Variants in RALGDS observed in about 807,000 individuals in gnomAD.
The protein encoded by RALGDS is ral guanine nucleotide dissociation stimulator.
RALGDS carries 44 observed loss-of-function variants against 99.8 expected under a neutral mutation model. That is an observed-to-expected ratio of 0.44 (90% confidence interval 0.35 to 0.57). The LOEUF (loss-of-function observed/expected upper bound fraction) is 0.57, where lower values mean the gene tolerates loss of function less well. RALGDS is among the 20% of genes least tolerant of loss of function. RALGDS has a pLI of 0.01. For missense variants in RALGDS, 1,022 were observed against 1,203.1 expected (o/e 0.85, Z 2.23); for synonymous variants, 529 against 505.0 (o/e 1.05, Z -0.64).
At chr9:133,130,096 T>C (rs1832288806) in intron 1 of RALGDS, among the ~76,000 whole-genome samples, 1 of 152,068 alleles carries the variant, frequency 6.6e-6, no homozygotes, top group Admixed American at 6.5e-5. Flanking sequence ...CTCAGCCTCC[T>C]GGGTAGCTGG....
At chr9:133,125,136 CTG>C (rs567094363), upstream of RALGDS, among the ~76,000 whole-genome samples, 6 of 152,318 alleles carry the variant, frequency 3.9e-5, 1 homozygote, top group South Asian at 1.2e-3. Context: ...AGCAAGACAA[CTG>C]TTTAAAAAAA....
intron 1 of RALGDS, among the ~76,000 whole-genome samples, chr9:133,129,757 C>T (rs1344134180): frequency 6.6e-6 from 1 of 152,034 alleles, no homozygotes; most frequent in Non-Finnish European, 1.5e-5. Context: ...TTCCCTGCCC[C>T]CTAGACCTGA....
chr9:133,136,582 T>C (rs1287372272), intron 1 of RALGDS, among the ~76,000 whole-genome samples: 1 of 152,018 alleles, frequency 6.6e-6, no homozygotes, highest in Admixed American at 6.5e-5. Flanking sequence ...AAGACCAGCC[T>C]GGCTAACATG....
At chr9:133,102,730 C>T (rs1363415126) in intron 13 of RALGDS, 49 bp downstream of exon 13, 2 of 1,603,454 alleles carry the variant, frequency 1.2e-6, no homozygotes, top group African/African-American at 1.3e-5. Context: ...GGAGCTGGCC[C>T]CCTAGGACAG....
chr9:133,120,891 G>A, intron 1 of RALGDS, 81 bp downstream of exon 1: 25 of 1,355,140 alleles, frequency 1.8e-5, no homozygotes, highest in Non-Finnish European at 2.4e-5. Flanking sequence ...CCCCGTCCGG[G>A]GCTCGCCCCG....
intron 17 of RALGDS, 182 bp downstream of exon 17, chr9:133,100,086 G>C: frequency 1.4e-6 from 1 of 696,256 alleles, no homozygotes; most frequent in Non-Finnish European, 2.6e-6. Flanking sequence ...GGCACACACT[G>C]GGGAGGTCCA....
At chr9:133,101,843 GA>G (rs781344268) in intron 15 of RALGDS, 81 bp from the exon 16 acceptor site, 1 of 1,552,610 alleles carries the variant, frequency 6.4e-7, no homozygotes, top group Non-Finnish European at 8.7e-7. Context: ...GAACCTTCTA[GA>G]AGCTGTGTTC....
In RALGDS at chr9:133,126,286, C is replaced by T. The variant is rs375455505; in HGVS notation, c.132+4666G>A. On this transcript the variant is annotated intron_variant, in intron 1 of 17. Coordinates refer to the RALGDS transcript ENST00000372062. ...TACAACCACAAGCCCCTGGAGAGCA[C>T]GGCTGCACAGACCTTTCGGAAGTCG... 1.8e-4 allele frequency among the ~76,000 whole-genome samples: 27 copies of T among 152,126 alleles called. No homozygotes were observed. The East Asian group carries it at 4.8e-3, about 27-fold the overall frequency.
rs1832598408 is a variant in RALGDS at position 133,144,875 on chromosome 9, A to T, written c.18+4088T>A. ...TAGGGTCTGTGCGGATAGAATCCGG[A>T]TGAGGTCATACTGGATTAGGGTGGG... On this transcript the variant is annotated intron_variant, in intron 1 of 17. Transcript: ENST00000393160. This position sits in a 1 kb window ranked among gnomAD's most constrained non-coding sequence, Gnocchi z 4.5. Among the ~76,000 whole-genome samples the T allele has an allele frequency of 6.6e-6, 1 of 152,248 alleles. No individual in the cohort carries two copies. Among genetic ancestry groups the T allele is most frequent in the African/African-American group, 2.4e-5 (1 of 41,464 alleles).
At chr9:133,148,677 C>T (rs1832666217) in intron 1 of RALGDS, among the ~76,000 whole-genome samples, 1 of 152,204 alleles carries the variant, frequency 6.6e-6, no homozygotes, top group African/African-American at 2.4e-5. Context: ...GCTGTCATTC[C>T]CAAAGCAAAC....
chr9:133,108,416 G>A lies in RALGDS; in HGVS notation c.779-10C>T, dbSNP rs980521071. On this transcript the variant is annotated splice_polypyrimidine_tract_variant and intron_variant, in intron 5 of 17. Transcript: ENST00000372050. ...GGCACTGGTGACAGAGCTGCAAGAG[G>A]AGAAAAGTTCAACAACATGCCAGCC... The A allele has an allele frequency of 5.9e-6, 9 of 1,535,210 alleles. No individual in the cohort carries two copies. The African/African-American group carries it at 1.1e-4, about 19-fold the overall frequency.
In RALGDS at chr9:133,137,001, G is replaced by A. The variant is rs182167011; in HGVS notation, c.18+11962C>T. ...TGTAATCCCAGCACTTTGGGAGGCC[G>A]AGGCGGGCGGATCACTTGAGCTCAG... On this transcript the variant is annotated intron_variant, in intron 1 of 17. Transcript: ENST00000393160. Among the ~76,000 whole-genome samples, 709 of 152,080 alleles carry A rather than the reference G, an allele frequency of 4.7e-3. 4 individuals are homozygous for A. The highest frequency in any genetic ancestry group is 0.016 in the African/African-American group (675 of 41,486).
In RALGDS at chr9:133,106,713, A is replaced by C. The variant is rs2119149227; in HGVS notation, c.1449T>G (p.Tyr483Ter). 6.2e-7 allele frequency: 1 copy of C among 1,612,884 alleles called. No individual in the cohort carries two copies. The highest frequency in any genetic ancestry group is 8.5e-7 in the Non-Finnish European group (1 of 1,179,516). ...TGCTCTGCAGGGCAGAGAGGATGGCATACAGTGACGAGAAGTTCTTGAGGA... is the reference window on the plus strand; with the variant it reads ...TGCTCTGCAGGGCAGAGAGGATGGCCTACAGTGACGAGAAGTTCTTGAGGA... ...CRILKNFSSL[Y>*]AILSALQSNS... is the part of the protein sequence containing the mutation. The change falls in exon 8 of 18, where the codon TAT becomes TAG. Residue 483 changes from tyrosine to a stop codon, truncating the protein, a stop_gained. Transcript: ENST00000372050. LOFTEE classifies it high-confidence loss of function.
intron 1 of RALGDS, among the ~76,000 whole-genome samples, chr9:133,128,889 AC>A (rs888765745): frequency 3.9e-5 from 6 of 152,142 alleles, no homozygotes; most frequent in African/African-American, 1.4e-4. Flanking sequence ...CCCTGGACTG[AC>A]CCGTGGGGCT....
chr9:133,113,206 G>A (rs964086222), intron 1 of RALGDS, among the ~76,000 whole-genome samples: 1 of 152,160 alleles, frequency 6.6e-6, no homozygotes, highest in Admixed American at 6.5e-5. Flanking sequence ...CTGGCCCAGG[G>A]TCATTAACCG....
rs759840435 is a variant in RALGDS at position 133,108,229 on chromosome 9, G to A, written c.956C>T (p.Pro319Leu). The A allele has an allele frequency of 3.1e-6, 5 of 1,610,284 alleles. No individual in the cohort carries two copies. Among genetic ancestry groups the A allele is most frequent in the Admixed American group, 3.4e-5 (2 of 59,312 alleles). The change falls in exon 6 of 18, where the codon CCA becomes CTA. Residue 319 changes from proline (P) to leucine (L), a missense_variant. Pro to Leu is a moderately conservative substitution (Grantham distance 98, BLOSUM62 -3). This residue lies in a region of RALGDS where 825 missense variants were observed against 994.5 expected (regional missense o/e 0.83). Coordinates refer to ENST00000372050, the MANE Select transcript of RALGDS (RefSeq NM_006266.4). ...CGATTCTAGTCCCACAGCTGGCTCT[G>A]GAGCCTGCTGGAGCTCCGGAGCTGG... is the stretch of plus-strand genomic sequence containing the variant. ...PAPAPELQQA[P>L]EPAVGLESAP...
At position 133,121,229 on chromosome 9, in the gene RALGDS, T is replaced by A. The variant is rs1477548377; in HGVS notation, c.-75A>T. On this transcript the variant is annotated 5_prime_UTR_variant, in exon 1 of 18. In the 5' UTR this introduces an upstream ATG that the reference lacks. Transcript: ENST00000372050. ...GGCGGCGCGGCCCGCGCGGCTGGGC[T>A]TTGCCACCGCTGTGAGCCCGCGGCC... The A allele has an allele frequency of 1.0e-6, 1 of 978,296 alleles. No homozygotes were observed. The highest frequency in any genetic ancestry group is 1.8e-5 in the African/African-American group (1 of 56,286). 60.6% of individuals were successfully genotyped at this position (978,296 alleles called of 1,614,324 possible).
Position 133,108,406 on chromosome 9 carries a change from G to C in RALGDS, c.779C>G (p.Ala260Gly). The C allele has an allele frequency of 6.5e-7, 1 of 1,535,940 alleles. No individual in the cohort carries two copies. Among genetic ancestry groups the C allele is most frequent in the Non-Finnish European group, 8.7e-7 (1 of 1,146,482 alleles). The stretch of plus-strand genomic sequence containing the variant: ...TTTTAGAGCTGGCACTGGTGACAGA[G>C]CTGCAAGAGGAGAAAAGTTCAACAA... ...HSEPIEAEPEALSPVPALKPT... is the reference protein window; with the variant it reads ...HSEPIEAEPEGLSPVPALKPT... The change falls in exon 6 of 18, where the codon GCT (alanine) becomes GGT (glycine). Residue 260 changes from alanine (A) to glycine (G), a missense_variant and splice_region_variant. By Grantham distance (60) the Ala-to-Gly change is moderately conservative. Around this residue, in one of 3 missense-constraint regions of RALGDS, gnomAD observed 825 missense variants for 994.5 expected, o/e 0.83. Transcript: ENST00000372050.
rs767544998 is a variant in RALGDS, at chr9:133,101,997, C to T, written c.2152G>A (p.Asp718Asn). 19 of 1,552,126 alleles carry T rather than the reference C, an allele frequency of 1.2e-5. No homozygotes were observed. Among genetic ancestry groups the T allele is most frequent in the Admixed American group, 2.0e-5 (1 of 51,056 alleles). Residue 718 changes from aspartate to asparagine, a missense_variant, in exon 15 of 18, where the codon GAC becomes AAC. Physicochemically the swap from Asp to Asn is conservative, Grantham distance 23. Around this residue, in one of 3 missense-constraint regions of RALGDS, gnomAD observed 825 missense variants for 994.5 expected, o/e 0.83. Transcript: ENST00000372050. The part of the protein sequence containing the change: ...SVHSAGSSSS[D>N]VEEINISFVP... ...AAGCTGATGTTGATCTCCTCCACGT[C>T]GGAGCTAGAGGAGCCGGCCGAGTGC... is the stretch of plus-strand genomic sequence containing the variant.
Sources: allele counts gnomAD v4.1 joint callset (sites outside exome capture counted in the v4.1 genomes callset), GRCh38; gene constraint gnomAD v4.1.1; regional missense constraint gnomAD v4.1.1; non-coding constraint Gnocchi (gnomAD v3.1); transcripts MANE v1.5; gene names NCBI Gene and HGNC (gene_info 2026-07-23, HGNC 2026-07-21).